The following DGKI variants were observed in gnomAD, a reference collection of about 807,000 sequenced individuals.
DGKI encodes diacylglycerol kinase iota, also known as DAG kinase iota.
A neutral mutation model predicts 147.5 loss-of-function variants in DGKI; 55 were observed. The observed-to-expected ratio is 0.37, with a 90% CI of 0.30 to 0.47. The LOEUF is 0.47. Ranked by LOEUF, DGKI falls within the 20% of genes least tolerant of loss-of-function variation. The pLI, the probability that DGKI is intolerant of heterozygous loss-of-function variation, is 1.00. For synonymous variants in DGKI, 469 were observed against 477.1 expected (o/e 0.98, Z 0.22); for missense variants, 1,007 against 1,323.8 (o/e 0.76, Z 3.71).
At chr7:137,444,218 A>G in intron 27 of DGKI, 116 bp from the exon 28 acceptor site, 2 of 628,418 alleles carry the variant, frequency 3.2e-6, no homozygotes, top group Non-Finnish European at 5.3e-6. Flanking sequence ...TCAATATAGT[A>G]GACAGTGTAA....
At chr7:137,468,255 C>G (rs1477912739) in intron 24 of DGKI, among the ~76,000 whole-genome samples, 1 of 152,166 alleles carries the variant, frequency 6.6e-6, no homozygotes, top group Non-Finnish European at 1.5e-5. Context: ...GAAATTCACT[C>G]TACTTTTTTC....
chr7:137,844,983 G>C (rs6978428), intron 1 of DGKI, among the ~76,000 whole-genome samples: 18 of 152,170 alleles, frequency 1.2e-4, no homozygotes, highest in Non-Finnish European at 2.1e-4. Context: ...CTAGGAAGTA[G>C]AACTGCCAGT....
intron 1 of DGKI, among the ~76,000 whole-genome samples, chr7:137,705,635 A>C (rs1793995379): frequency 6.6e-6 from 1 of 152,182 alleles, no homozygotes; most frequent in African/African-American, 2.4e-5. Flanking sequence ...TTGATATCTT[A>C]ATAAATATAT....
At position 137,619,787 on chromosome 7, in the gene DGKI, T is replaced by A. The variant is rs749282514; in HGVS notation, c.993+37A>T. The A allele has an allele frequency of 2.0e-6, 3 of 1,522,252 alleles. No individual in the cohort carries two copies. In the South Asian group the frequency reaches 3.4e-5, roughly 17 times the overall value. 94.3% of individuals were successfully genotyped at this position (1,522,252 alleles called of 1,614,324 possible). A position where few individuals can be genotyped will look rare whatever the true frequency, so the allele number is the denominator to read the frequency against. ...CACGAAGCAGCAGTTCATTTTTCTCTGCACTGGCCCAGCAGCACCAGAGTC... is the reference window on the plus strand; with the variant it reads ...CACGAAGCAGCAGTTCATTTTTCTCAGCACTGGCCCAGCAGCACCAGAGTC... On this transcript the variant is annotated intron_variant, in intron 8 of 32. Transcript: ENST00000614521.
At position 137,672,353 on chromosome 7, in the gene DGKI, A is replaced by C. The variant is rs188911599; in HGVS notation, c.606+6204T>G. 3.9e-5 allele frequency among the ~76,000 whole-genome samples: 6 copies of C among 152,344 alleles called. No homozygotes were observed. In the East Asian group the frequency reaches 1.2e-3, roughly 29 times the overall value. The stretch of plus-strand genomic sequence containing the variant: ...TGACTCTTCTTTATCTTTAGGTAGA[A>C]GTGAACAGCCCGATATGACCACCCC... On this transcript the variant is annotated intron_variant, in intron 3 of 32. Coordinates refer to ENST00000614521, the MANE Select transcript of DGKI (RefSeq NM_001321708.2).
Position 137,577,072 on chromosome 7 carries a change from CATA to C in DGKI, c.1761+147_1761+149del, listed in dbSNP as rs562244989. On this transcript the variant is annotated intron_variant, in intron 17 of 32. Coordinates refer to ENST00000614521, the MANE Select transcript of DGKI (RefSeq NM_001321708.2). ...CCAGCAACTAAGACAGTGCCTGACA[CATA>C]ATAAGTGTAGGTTGAATGAACTACA... 111 of 666,826 alleles carry C rather than the reference CATA, an allele frequency of 1.7e-4. 1 individual carries two copies. In the East Asian group the frequency reaches 2.7e-3, roughly 16 times the overall value. 41.3% of individuals were successfully genotyped at this position (666,826 alleles called of 1,614,324 possible). A position where few individuals can be genotyped will look rare whatever the true frequency, so the allele number is the denominator to read the frequency against.
rs187216961 is a variant in DGKI, at chr7:137,574,321, T to A, written c.1762-1483A>T. Among the ~76,000 whole-genome samples the A allele has an allele frequency of 2.8e-3, 428 of 152,284 alleles. 3 individuals are homozygous for A. Among genetic ancestry groups the A allele is most frequent in the African/African-American group, 9.9e-3 (411 of 41,534 alleles). On this transcript the variant is annotated intron_variant, in intron 17 of 32. Transcript: ENST00000614521. ...ACTCTCAACTACTAAGCAAACATCT[T>A]CCAACTTACTTAAGAACTTGAAATG...
At chr7:137,836,024 T>C (rs948187125) in intron 1 of DGKI, among the ~76,000 whole-genome samples, 2 of 152,202 alleles carry the variant, frequency 1.3e-5, no homozygotes, top group Admixed American at 6.5e-5. Context: ...ATTAATTATG[T>C]GAAAGGAGTT....
chr7:137,589,334 T>C (rs1294827882), intron 12 of DGKI, among the ~76,000 whole-genome samples: 1 of 152,202 alleles, frequency 6.6e-6, no homozygotes, highest in Non-Finnish European at 1.5e-5. Flanking sequence ...TCTAAAATTG[T>C]GTTCATCTTC....
intron 1 of DGKI, among the ~76,000 whole-genome samples, chr7:137,784,932 T>G (rs1447191524): frequency 6.6e-6 from 1 of 151,928 alleles, no homozygotes; most frequent in Non-Finnish European, 1.5e-5. Flanking sequence ...ATGATAATAG[T>G]GACACAACCT....
Position 137,767,528 on chromosome 7 carries a change from A to T in DGKI, c.402-77526T>A, listed in dbSNP as rs141185211. 3.2e-3 allele frequency among the ~76,000 whole-genome samples: 439 copies of T among 139,362 alleles called. 1 individual carries two copies. Among genetic ancestry groups the T allele is most frequent in the Non-Finnish European group, 4.3e-3 (272 of 63,838 alleles). The allele number at this position is 139,362 out of a possible 152,430, so 91.4% of individuals were successfully genotyped here. ...AAGAGAAGAGAAGAGAAGAGAAGAGAAGAGTAGAGTAGGAGGAAGAGGAAG... is the reference window on the plus strand; with the variant it reads ...AAGAGAAGAGAAGAGAAGAGAAGAGTAGAGTAGAGTAGGAGGAAGAGGAAG... On this transcript the variant is annotated intron_variant, in intron 1 of 32. Coordinates refer to ENST00000614521, the MANE Select transcript of DGKI (RefSeq NM_001321708.2).
chr7:137,443,260 G>C (rs1813580814), intron 28 of DGKI, among the ~76,000 whole-genome samples: 1 of 152,154 alleles, frequency 6.6e-6, no homozygotes, highest in Admixed American at 6.5e-5. Context: ...TTTCATTCTA[G>C]AGGCCATCGG....
At chr7:137,397,532 A>C (rs1811598680) in intron 30 of DGKI, 119 bp from the exon 31 acceptor site, 1 of 893,968 alleles carries the variant, frequency 1.1e-6, no homozygotes, top group African/African-American at 1.7e-5. Context: ...GATAGGAATA[A>C]TAAGACAGAA....
chr7:137,795,883 G>C (rs969473777), intron 1 of DGKI, among the ~76,000 whole-genome samples: 2 of 152,174 alleles, frequency 1.3e-5, no homozygotes, highest in Non-Finnish European at 2.9e-5. Flanking sequence ...TGACCACTAA[G>C]CTAACCAAGC....
intron 17 of DGKI, among the ~76,000 whole-genome samples, chr7:137,576,583 G>A (rs1242635231): frequency 2.0e-5 from 3 of 151,940 alleles, no homozygotes; most frequent in African/African-American, 7.3e-5. Context: ...GTGTCACCTT[G>A]AGAAAGATAA....
At position 137,794,423 on chromosome 7, in the gene DGKI, A is replaced by G. The variant is rs188172838; in HGVS notation, c.401+52039T>C. 3.3e-5 allele frequency among the ~76,000 whole-genome samples: 5 copies of G among 152,388 alleles called. No individual in the cohort carries two copies. In the East Asian group the frequency reaches 7.7e-4, roughly 23 times the overall value. On this transcript the variant is annotated intron_variant, in intron 1 of 32. Transcript: ENST00000614521. ...CTGAAATTTAAGTTGATACAAATGA[A>G]CATTAAATAGATGAAGCTAGCAAAT...
intron 1 of DGKI, among the ~76,000 whole-genome samples, chr7:137,803,500 T>C (rs1797274831): frequency 6.6e-6 from 1 of 152,234 alleles, no homozygotes; most frequent in African/African-American, 2.4e-5. Flanking sequence ...ATCACCTGTT[T>C]AGCTGTATGA....
intron 8 of DGKI, among the ~76,000 whole-genome samples, chr7:137,616,018 A>C: frequency 6.6e-6 from 1 of 152,156 alleles, no homozygotes. Flanking sequence ...TGGTTAACTT[A>C]CTTGATGGCT....
intron 32 of DGKI, 44 bp downstream of exon 32, chr7:137,395,554 A>T (rs371253152): frequency 6.3e-7 from 1 of 1,577,616 alleles, no homozygotes; most frequent in Admixed American, 1.7e-5. Context: ...AGCGCCTGCG[A>T]TCTCGCCCAG....
Sources: allele counts gnomAD v4.1 joint callset (sites outside exome capture counted in the v4.1 genomes callset), GRCh38; gene constraint gnomAD v4.1.1; transcripts MANE v1.5; gene names NCBI Gene and HGNC (gene_info 2026-07-23, HGNC 2026-07-21).